EVL: variants seen among roughly 807,000 people sequenced by gnomAD.
The protein encoded by EVL is Enah/Vasp-like.
EVL carries 21 observed loss-of-function variants against 59.6 expected under a neutral mutation model. The observed-to-expected ratio is 0.35, with a 90% CI of 0.25 to 0.51. EVL has a LOEUF of 0.51. EVL is among the 20% of genes least tolerant of loss of function. EVL has a pLI of 0.97. For missense variants in EVL, 462 were observed against 546.6 expected (o/e 0.85, Z 1.54); for synonymous variants, 198 against 203.5 (o/e 0.97, Z 0.23).
chr14:100,034,003 A>G (rs1841578379), intron 1 of EVL, among the ~76,000 whole-genome samples: 1 of 151,974 alleles, frequency 6.6e-6, no homozygotes, highest in South Asian at 2.1e-4. Context: ...AGGTGGGCGG[A>G]TCACCTGAGG....
At chr14:100,019,491 G>A (rs965801658) in intron 1 of EVL, 3 of 544,252 alleles carry the variant, frequency 5.5e-6, no homozygotes, top group Admixed American at 3.8e-5. Context: ...AGCAGCTGGC[G>A]GAGCTGGAGG....
intron 1 of EVL, among the ~76,000 whole-genome samples, chr14:100,075,193 G>A (rs983608632): frequency 3.3e-5 from 5 of 152,246 alleles, no homozygotes; most frequent in African/African-American, 4.8e-5. Context: ...AGCAAGTGAT[G>A]TGCTTCAGAG....
rs866357539 is a variant in EVL, at chr14:99,972,378, G to A, written c.5+321G>A. ...GGGGCCTGCGGCGGCCTGGGAGGCA[G>A]ACCCCCGCGGGCAGGTGTGGCCGTG... On this transcript the variant is annotated intron_variant, in intron 1 of 13. Transcript: ENST00000402714. This position sits in a 1 kb window ranked among gnomAD's most constrained non-coding sequence, Gnocchi z 4.4. Among the ~76,000 whole-genome samples, 6 of 152,196 alleles carry A rather than the reference G, an allele frequency of 3.9e-5. 1 individual carries two copies. Among genetic ancestry groups the A allele is most frequent in the African/African-American group, 1.4e-4 (6 of 41,540 alleles).
intron 2 of EVL, among the ~76,000 whole-genome samples, chr14:100,096,035 C>T (rs1026324218): frequency 3.9e-5 from 6 of 152,080 alleles, no homozygotes; most frequent in Non-Finnish European, 7.4e-5. Flanking sequence ...GCTTCAATTA[C>T]GTTTTTTTAG....
intron 1 of EVL, among the ~76,000 whole-genome samples, chr14:100,052,160 T>C (rs181703249): frequency 1.7e-4 from 26 of 152,324 alleles, no homozygotes; most frequent in Admixed American, 1.2e-3. Flanking sequence ...AATCCCGAAG[T>C]GCTATGCTTT....
chr14:100,106,951 G>A, intron 3 of EVL: 1 of 398,704 alleles, frequency 2.5e-6, no homozygotes, highest in East Asian at 3.6e-5. Context: ...GCCTGGAAGT[G>A]TGGTGGGAGC....
intron 1 of EVL, among the ~76,000 whole-genome samples, chr14:100,011,837 T>A (rs935375513): frequency 1.3e-5 from 2 of 152,240 alleles, no homozygotes; most frequent in Non-Finnish European, 2.9e-5. Flanking sequence ...TGCAAAGGGA[T>A]AATTTCTTTT....
intron 8 of EVL, 80 bp from the exon 9 acceptor site, chr14:100,135,825 G>A (rs1025337221): frequency 5.5e-5 from 67 of 1,226,466 alleles, no homozygotes; most frequent in Non-Finnish European, 7.2e-5. Context: ...GGAAAACTGA[G>A]GTTTTATGAA....
In EVL at chr14:100,076,133, T is replaced by C. The variant is rs571564729; in HGVS notation, c.12-8554T>C. 1.4e-4 allele frequency among the ~76,000 whole-genome samples: 21 copies of C among 152,372 alleles called. No homozygotes were observed. The South Asian group carries it at 3.7e-3, about 27-fold the overall frequency. The stretch of plus-strand genomic sequence containing the variant: ...CTTGGGCAGGAGAAATATCTCTTCC[T>C]AATTACTTGAGGAGTAGCAGAAAAG... On this transcript the variant is annotated intron_variant, in intron 1 of 13. Coordinates refer to ENST00000392920, the MANE Select transcript of EVL (RefSeq NM_016337.3).
At chr14:100,041,217 A>C (rs957706961) in intron 1 of EVL, among the ~76,000 whole-genome samples, 2 of 152,214 alleles carry the variant, frequency 1.3e-5, no homozygotes, top group African/African-American at 4.8e-5. Flanking sequence ...GATTGGCAGC[A>C]TGGAAAGGAA....
At chr14:100,120,781 A>G (rs1206725071) in intron 3 of EVL, among the ~76,000 whole-genome samples, 1 of 152,098 alleles carries the variant, frequency 6.6e-6, no homozygotes, top group African/African-American at 2.4e-5. Context: ...AACCCTGTGC[A>G]GGTCATGTCT....
chr14:100,087,014 A>G (rs533506171), intron 2 of EVL, among the ~76,000 whole-genome samples: 91 of 152,356 alleles, frequency 6.0e-4, no homozygotes, highest in African/African-American at 2.0e-3. Flanking sequence ...CTACCACCTT[A>G]AAGTGGTCAG....
At chr14:100,099,196 A>AG (rs1886027043) in intron 3 of EVL, among the ~76,000 whole-genome samples, 7 of 151,890 alleles carry the variant, frequency 4.6e-5, no homozygotes, top group Admixed American at 3.9e-4. Context: ...AAAAAAAAAA[A>AG]AAAGAAAAAG....
Position 100,070,656 on chromosome 14 carries a change from A to G in EVL, c.11+5145A>G, listed in dbSNP as rs563184208. The stretch of plus-strand genomic sequence containing the variant: ...GTGCCTAGTAAATAGCACAGAGTCC[A>G]AGTGGCTACTTGTGTCTTCAGGGGT... On this transcript the variant is annotated intron_variant, in intron 1 of 13. Coordinates refer to ENST00000392920, the MANE Select transcript of EVL (RefSeq NM_016337.3). 2.6e-5 allele frequency among the ~76,000 whole-genome samples: 4 copies of G among 152,346 alleles called. No individual in the cohort carries two copies. In the East Asian group the frequency reaches 7.7e-4, roughly 29 times the overall value.
chr14:100,063,120 G>A (rs910335578), upstream of EVL, among the ~76,000 whole-genome samples: 1 of 152,146 alleles, frequency 6.6e-6, no homozygotes, highest in Non-Finnish European at 1.5e-5. Flanking sequence ...TAAATAAAAT[G>A]TTACCTTACA....
At chr14:100,001,969 A>T (rs992015798) in intron 1 of EVL, among the ~76,000 whole-genome samples, 3 of 152,254 alleles carry the variant, frequency 2.0e-5, no homozygotes, top group Non-Finnish European at 4.4e-5. Context: ...ACTCACAGAT[A>T]GTTTCCAAAT....
intron 1 of EVL, among the ~76,000 whole-genome samples, chr14:100,056,853 G>C (rs1320926559): frequency 6.6e-6 from 1 of 152,130 alleles, no homozygotes; most frequent in African/African-American, 2.4e-5. Flanking sequence ...GCTTAACAAA[G>C]ATTCTGAACA....
At chr14:100,063,697 A>G (rs763336514), upstream of EVL, among the ~76,000 whole-genome samples, 6 of 152,250 alleles carry the variant, frequency 3.9e-5, no homozygotes, top group East Asian at 1.9e-4. Context: ...GAACAATACT[A>G]TTAACCACCA....
At chr14:99,980,497 C>T (rs915174051) in intron 1 of EVL, among the ~76,000 whole-genome samples, 1 of 152,182 alleles carries the variant, frequency 6.6e-6, no homozygotes, top group Non-Finnish European at 1.5e-5. Context: ...AGCCAAGAAC[C>T]GCTTCATCTG....
Sources: gnomAD v4.1 joint callset for allele counts (sites outside exome capture counted in the v4.1 genomes callset) on GRCh38, gnomAD v4.1.1 for gene constraint, Gnocchi (gnomAD v3.1) non-coding constraint, MANE v1.5 for transcripts, NCBI Gene and HGNC (gene_info 2026-07-23, HGNC 2026-07-21) for gene names.